The following ZDHHC15 variants were observed in gnomAD, a reference collection of about 807,000 sequenced individuals.
ZDHHC15 encodes the protein palmitoyltransferase ZDHHC15.
ZDHHC15 carries 19 observed loss-of-function variants against 31.7 expected under a neutral mutation model. That is an observed-to-expected ratio of 0.60 (90% CI 0.42 to 0.88). The LOEUF (loss-of-function observed/expected upper bound fraction) is 0.88. ZDHHC15 is among the 40% of genes least tolerant of loss of function. ZDHHC15 has a pLI of 0.00. For missense variants in ZDHHC15, 209 were observed against 251.2 expected (o/e 0.83, Z 1.14); for synonymous variants, 103 against 90.0 (o/e 1.14, Z -0.82).
At chrX:75,390,774 G>A (rs1323268848) in intron 10 of ZDHHC15, among the ~76,000 whole-genome samples, 1 of 111,563 alleles carries the variant, frequency 9.0e-6, no homozygotes, top group African/African-American at 3.3e-5. Context: ...AGACTGTGAA[G>A]ACAACAATAA....
chrX:75,492,389 A>G (rs1483416674), intron 2 of ZDHHC15, among the ~76,000 whole-genome samples: 5 of 110,977 alleles, frequency 4.5e-5, no homozygotes, highest in African/African-American at 1.6e-4. Context: ...GAAAGTTAAC[A>G]AGGATATCCA....
chrX:75,455,706 T>G (rs1246084482), intron 3 of ZDHHC15, among the ~76,000 whole-genome samples: 1 of 111,858 alleles, frequency 8.9e-6, no homozygotes, highest in African/African-American at 3.2e-5. Flanking sequence ...GGGCAAAGGA[T>G]ATGAACAGAC....
chrX:75,518,637 G>T (rs2085396074), intron 1 of ZDHHC15, among the ~76,000 whole-genome samples: 1 of 105,631 alleles, frequency 9.5e-6, no homozygotes, highest in South Asian at 4.3e-4. Flanking sequence ...CATCTCCCTG[G>T]TGTATATACT....
chrX:75,484,372 C>T (rs968299968), intron 2 of ZDHHC15, among the ~76,000 whole-genome samples: 2 of 111,512 alleles, frequency 1.8e-5, no homozygotes, highest in Non-Finnish European at 3.8e-5. Flanking sequence ...AATAATAAGA[C>T]AACTCAATAA....
intron 2 of ZDHHC15, among the ~76,000 whole-genome samples, chrX:75,480,466 ATATATT>A (rs1242937239): frequency 3.6e-5 from 4 of 111,349 alleles, no homozygotes; most frequent in African/African-American, 6.5e-5. Context: ...TTTAAAAGTA[ATATATT>A]TATAAGTTTT....
At chrX:75,522,060 C>G (rs2085450160) in intron 1 of ZDHHC15, among the ~76,000 whole-genome samples, 1 of 110,820 alleles carries the variant, frequency 9.0e-6, no homozygotes, top group Non-Finnish European at 1.9e-5. Flanking sequence ...ATGTGGGGCT[C>G]CTAATGGGAA....
At chrX:75,468,893 A>G (rs956295317) in intron 3 of ZDHHC15, among the ~76,000 whole-genome samples, 3 of 111,719 alleles carry the variant, frequency 2.7e-5, no homozygotes, top group Non-Finnish European at 1.9e-5. Flanking sequence ...TCCTTTCACC[A>G]GTTTTAAATT....
intron 2 of ZDHHC15, chrX:75,501,447 T>G (rs1251526177): frequency 9.0e-6 from 1 of 111,397 alleles, no homozygotes; most frequent in Non-Finnish European, 1.9e-5. Flanking sequence ...TAAAATGATT[T>G]ATATTACTCG....
chrX:75,425,695 T>C lies in ZDHHC15; in HGVS notation c.604-911A>G, dbSNP rs1485861429. 2.7e-5 allele frequency among the ~76,000 whole-genome samples: 3 copies of C among 111,871 alleles called. No individual in the cohort carries two copies. In the Admixed American group the frequency reaches 2.9e-4, roughly 11 times the overall value. On this transcript the variant is annotated intron_variant, in intron 7 of 11. Coordinates refer to ENST00000373367, the MANE Select transcript of ZDHHC15 (RefSeq NM_144969.3). Reference sequence around the variant, plus strand: ...ATCACTTTGAAATATTTCCAATTGCTCTCTAGTAATAAAGTTAAATGTGAT... The same window carrying C: ...ATCACTTTGAAATATTTCCAATTGCCCTCTAGTAATAAAGTTAAATGTGAT...
At chrX:75,383,344 T>C (rs972720500) in intron 10 of ZDHHC15, among the ~76,000 whole-genome samples, 7 of 112,430 alleles carry the variant, frequency 6.2e-5, no homozygotes, top group Non-Finnish European at 7.5e-5. Context: ...CAGAGAATAC[T>C]GAAATAAAGA....
chrX:75,498,176 G>A (rs113415432), intron 2 of ZDHHC15, among the ~76,000 whole-genome samples: 1,979 of 109,793 alleles, frequency 0.018, 53 homozygotes, highest in African/African-American at 0.062. Flanking sequence ...CAGGTGATCC[G>A]GCTGCCTCAG....
chrX:75,440,306 G>A (rs747540906), intron 4 of ZDHHC15, among the ~76,000 whole-genome samples: 14 of 109,942 alleles, frequency 1.3e-4, no homozygotes, highest in Non-Finnish European at 2.3e-4. Context: ...TGGAGATGGA[G>A]TCTTGCTCTG....
intron 10 of ZDHHC15, among the ~76,000 whole-genome samples, chrX:75,408,600 A>G (rs1602579171): frequency 8.9e-6 from 1 of 112,123 alleles, no homozygotes; most frequent in South Asian, 3.7e-4. Context: ...ATCCTGGCCA[A>G]AGCAATCAGA....
intron 2 of ZDHHC15, among the ~76,000 whole-genome samples, chrX:75,490,728 T>C (rs1272149213): frequency 9.0e-6 from 1 of 111,586 alleles, no homozygotes; most frequent in Non-Finnish European, 1.9e-5. Context: ...GTTGGATTCC[T>C]AGGTATTTTA....
At chrX:75,472,706 C>T (rs1365093027) in intron 3 of ZDHHC15, among the ~76,000 whole-genome samples, 2 of 112,171 alleles carry the variant, frequency 1.8e-5, no homozygotes, top group South Asian at 3.7e-4. Flanking sequence ...CCAGCCACCC[C>T]TGTCATCGCC....
intron 10 of ZDHHC15, among the ~76,000 whole-genome samples, chrX:75,411,018 T>C (rs888101488): frequency 1.7e-4 from 19 of 111,874 alleles, no homozygotes; most frequent in Non-Finnish European, 3.0e-4. Context: ...TTCTTACTCA[T>C]ATGTAGGAGC....
intron 10 of ZDHHC15, among the ~76,000 whole-genome samples, chrX:75,412,518 A>G (rs1263468285): frequency 1.8e-5 from 2 of 109,372 alleles, no homozygotes; most frequent in Non-Finnish European, 3.8e-5. Flanking sequence ...TGCAACCTCC[A>G]CTTCCCGGGT....
chrX:75,443,870 C>T (rs2083984689), intron 4 of ZDHHC15, among the ~76,000 whole-genome samples: 1 of 111,983 alleles, frequency 8.9e-6, no homozygotes, highest in Non-Finnish European at 1.9e-5. Flanking sequence ...TGAAAAAATG[C>T]TCATCATCAC....
intron 10 of ZDHHC15, among the ~76,000 whole-genome samples, chrX:75,381,641 C>G (rs2083115931): frequency 9.0e-6 from 1 of 111,548 alleles, no homozygotes; most frequent in Non-Finnish European, 1.9e-5. Flanking sequence ...TCTATGTTAT[C>G]AAGTCTATAA....
Sources: allele counts gnomAD v4.1 joint callset (sites outside exome capture counted in the v4.1 genomes callset), GRCh38; gene constraint gnomAD v4.1.1; transcripts MANE v1.5; gene names NCBI Gene and HGNC (gene_info 2026-07-23, HGNC 2026-07-21).